Variants in ASAP2 observed in about 807,000 individuals in gnomAD.
ASAP2 encodes ArfGAP with SH3 domain, ankyrin repeat and PH domain 2.
In ASAP2, 45 loss-of-function variants were observed where a neutral mutation model predicts 131.4. The observed-to-expected ratio is 0.34, with a 90% CI of 0.27 to 0.44. The LOEUF (loss-of-function observed/expected upper bound fraction) is 0.44, where lower values mean the gene tolerates loss of function less well. Ranked by LOEUF, ASAP2 falls within the 20% of genes least tolerant of loss-of-function variation. The probability of loss-of-function intolerance (pLI) is 1.00; values close to 1 mark genes in which losing one functional copy is unlikely to be tolerated. For missense variants in ASAP2, 1,011 were observed against 1,297.0 expected, an observed-to-expected ratio of 0.78 and a Z score of 3.39; for synonymous variants, 510 against 503.0, an observed-to-expected ratio of 1.01 and a Z score of -0.19.
intron 3 of ASAP2, among the ~76,000 whole-genome samples, chr2:9,317,430 A>G (rs1186363561): frequency 2.7e-5 from 1 of 36,874 alleles, no homozygotes. Flanking sequence ...ACACACCTAC[A>G]CATACTCACA....
intron 1 of ASAP2, among the ~76,000 whole-genome samples, chr2:9,245,743 G>A (rs941559247): frequency 9.2e-5 from 14 of 152,068 alleles, no homozygotes; most frequent in African/African-American, 3.1e-4. Flanking sequence ...GCAGTCTGAC[G>A]CTGTGTGCCA....
intron 1 of ASAP2, among the ~76,000 whole-genome samples, chr2:9,215,451 A>G (rs1558240306): frequency 6.6e-6 from 1 of 152,302 alleles, no homozygotes; most frequent in East Asian, 1.9e-4. Flanking sequence ...ACAATACGAG[A>G]TATTTCTAAT....
intron 2 of ASAP2, among the ~76,000 whole-genome samples, chr2:9,282,586 T>A (rs1667195234): frequency 6.6e-6 from 1 of 152,228 alleles, no homozygotes; most frequent in South Asian, 2.1e-4. Flanking sequence ...GCACTGTAAC[T>A]ACAGTCATGG....
intron 14 of ASAP2, among the ~76,000 whole-genome samples, chr2:9,358,214 T>G (rs188823525): frequency 1.3e-5 from 2 of 152,352 alleles, no homozygotes; most frequent in East Asian, 3.9e-4. Flanking sequence ...GATACAAAAG[T>G]GCTCTGTGAT....
rs141467215 is a variant in ASAP2 at position 9,375,376 on chromosome 2, G to T, written c.1746+432G>T. On this transcript the variant is annotated intron_variant, in intron 17 of 27. Coordinates refer to ENST00000281419, the MANE Select transcript of ASAP2 (RefSeq NM_003887.3). Reference sequence around the variant, plus strand: ...ATTCTCCAGAGGAAGACGGCACGGAGAGGGGTACTGGGGTAGAATAAACTA... The same window carrying T: ...ATTCTCCAGAGGAAGACGGCACGGATAGGGGTACTGGGGTAGAATAAACTA... Among the ~76,000 whole-genome samples, 596 of 152,304 alleles carry T rather than the reference G, an allele frequency of 3.9e-3. 5 individuals carry two copies. Among genetic ancestry groups the T allele is most frequent in the African/African-American group, 0.014 (573 of 41,570 alleles).
At chr2:9,280,402 C>G (rs1287897216) in intron 2 of ASAP2, among the ~76,000 whole-genome samples, 1 of 151,856 alleles carries the variant, frequency 6.6e-6, no homozygotes, top group African/African-American at 2.4e-5. Flanking sequence ...GCTCCAGTTG[C>G]CGCTCTTGAT....
intron 3 of ASAP2, among the ~76,000 whole-genome samples, chr2:9,317,357 T>C (rs1185725474): frequency 1.4e-5 from 2 of 139,458 alleles, no homozygotes; most frequent in African/African-American, 5.4e-5. Flanking sequence ...CCTCACACAA[T>C]CATTCACATT....
intron 1 of ASAP2, among the ~76,000 whole-genome samples, chr2:9,236,603 G>A (rs1484298162): frequency 6.6e-6 from 1 of 152,110 alleles, no homozygotes; most frequent in Non-Finnish European, 1.5e-5. Flanking sequence ...TTTTACCGGA[G>A]AGGCAAAGGG....
intron 21 of ASAP2, among the ~76,000 whole-genome samples, chr2:9,387,049 C>CA (rs1192894691): frequency 1.4e-5 from 2 of 141,004 alleles, no homozygotes; most frequent in East Asian, 2.0e-4. Flanking sequence ...CTAAAAAATA[C>CA]AAAAAAATTA....
At chr2:9,343,743 A>T (rs1671760377) in intron 9 of ASAP2, among the ~76,000 whole-genome samples, 1 of 152,210 alleles carries the variant, frequency 6.6e-6, no homozygotes, top group African/African-American at 2.4e-5. Flanking sequence ...CACTGCGCCC[A>T]GCCTGATATC....
intron 1 of ASAP2, among the ~76,000 whole-genome samples, chr2:9,278,512 C>CAA (rs543049325): frequency 1.8e-5 from 2 of 113,918 alleles, no homozygotes. Context: ...GACCCCTTCT[C>CAA]AAAAAAAAAA....
chr2:9,244,321 G>A (rs866857157), intron 1 of ASAP2, among the ~76,000 whole-genome samples: 5 of 152,126 alleles, frequency 3.3e-5, no homozygotes, highest in African/African-American at 9.7e-5. Flanking sequence ...AAAAGAATTT[G>A]AATATGTTCA....
At chr2:9,231,074 C>T (rs753347642) in intron 1 of ASAP2, among the ~76,000 whole-genome samples, 3 of 152,180 alleles carry the variant, frequency 2.0e-5, no homozygotes, top group Admixed American at 1.3e-4. Context: ...TTTCCCCAGG[C>T]CACTTCCTTC....
chr2:9,213,641 T>C (rs976085687), intron 1 of ASAP2, among the ~76,000 whole-genome samples: 1 of 152,070 alleles, frequency 6.6e-6, no homozygotes, highest in Non-Finnish European at 1.5e-5. Context: ...AGTGGCCTGA[T>C]TGAGGTCCAT....
chr2:9,283,419 G>A (rs1008483254), intron 2 of ASAP2, among the ~76,000 whole-genome samples: 3 of 152,182 alleles, frequency 2.0e-5, no homozygotes, highest in Middle Eastern at 3.4e-3. Context: ...CTTTCAGTTC[G>A]GCCATGGGAA....
rs948240261 is a variant in ASAP2 at position 9,343,591 on chromosome 2, C to T, written c.850-941C>T. Among the ~76,000 whole-genome samples the T allele has an allele frequency of 5.9e-5, 9 of 152,334 alleles. No homozygotes were observed. The South Asian group carries it at 1.0e-3, about 18-fold the overall frequency. ...CCTCCCGCATACCTGGGACTACCAG[C>T]GCCTGCCACCATACCTAGCTAATTT... is the stretch of plus-strand genomic sequence containing the variant. On this transcript the variant is annotated intron_variant, in intron 9 of 27. Coordinates refer to ENST00000281419, the MANE Select transcript of ASAP2 (RefSeq NM_003887.3).
intron 2 of ASAP2, among the ~76,000 whole-genome samples, chr2:9,295,216 A>G (rs1668080389): frequency 2.0e-5 from 3 of 152,246 alleles, no homozygotes; most frequent in Non-Finnish European, 4.4e-5. Flanking sequence ...GTAGTAGAGT[A>G]GGAGAGTGGA....
chr2:9,337,696 G>A (rs961659873), intron 9 of ASAP2, among the ~76,000 whole-genome samples: 2 of 152,248 alleles, frequency 1.3e-5, no homozygotes, highest in South Asian at 2.1e-4. Flanking sequence ...TGGTAGCTTC[G>A]TGCTGCTGTT....
intron 5 of ASAP2, 45 bp downstream of exon 5, chr2:9,320,382 T>C: frequency 6.6e-7 from 1 of 1,510,428 alleles, no homozygotes; most frequent in Non-Finnish European, 9.2e-7. Flanking sequence ...AATTTGGGAT[T>C]TCAAATTTAA....
Sources: gnomAD v4.1 joint callset for allele counts (sites outside exome capture counted in the v4.1 genomes callset) on GRCh38, gnomAD v4.1.1 for gene constraint, MANE v1.5 for transcripts, NCBI Gene and HGNC (gene_info 2026-07-23, HGNC 2026-07-21) for gene names.